The following KCNIP4 variants were observed in gnomAD, a reference collection of about 807,000 sequenced individuals.
KCNIP4 encodes Kv channel-interacting protein 4.
KCNIP4 carries 12 observed loss-of-function variants against 34.0 expected under a neutral mutation model. The observed-to-expected ratio is 0.35, with a 90% confidence interval of 0.23 to 0.57. The LOEUF (loss-of-function observed/expected upper bound fraction) is 0.57, where lower values mean the gene tolerates loss of function less well. KCNIP4 is among the 20% of genes least tolerant of loss of function. The pLI is 0.83. For missense variants in KCNIP4, 238 were observed against 311.7 expected (o/e 0.76, Z 1.78); for synonymous variants, 124 against 102.2 (o/e 1.21, Z -1.29).
At chr4:20,935,328 C>T (rs1333711157) in intron 1 of KCNIP4, among the ~76,000 whole-genome samples, 2 of 152,108 alleles carry the variant, frequency 1.3e-5, no homozygotes, top group Non-Finnish European at 2.9e-5. Context: ...CTCAACATGT[C>T]CAAAATTGAT....
intron 1 of KCNIP4, among the ~76,000 whole-genome samples, chr4:21,528,675 CA>C (rs1553898618): frequency 1.3e-4 from 11 of 84,178 alleles, no homozygotes; most frequent in African/African-American, 5.0e-4. Flanking sequence ...TCATAAAAAA[CA>C]AAGAAAGAAA....
At chr4:20,846,997 T>A (rs1030589567) in intron 3 of KCNIP4, among the ~76,000 whole-genome samples, 1 of 152,140 alleles carries the variant, frequency 6.6e-6, no homozygotes, top group Admixed American at 6.6e-5. Context: ...GATCTGTAGA[T>A]AATAGTTTGC....
intron 1 of KCNIP4, among the ~76,000 whole-genome samples, chr4:21,104,807 C>A (rs371615690): frequency 1.7e-4 from 26 of 151,616 alleles, no homozygotes; most frequent in South Asian, 1.7e-3. Context: ...TCAGCTTTCT[C>A]CATATGGCTA....
At chr4:20,986,310 T>A (rs558932433) in intron 1 of KCNIP4, among the ~76,000 whole-genome samples, 5 of 152,224 alleles carry the variant, frequency 3.3e-5, no homozygotes, top group Non-Finnish European at 5.9e-5. Flanking sequence ...AACATATTTA[T>A]AAGAGATATC....
rs147925460 is a variant in KCNIP4 at position 21,005,541 on chromosome 4, C to T, written c.62-122832G>A. 6.4e-4 allele frequency among the ~76,000 whole-genome samples: 97 copies of T among 151,370 alleles called. No homozygotes were observed. In the Middle Eastern group the frequency reaches 0.01, roughly 16 times the overall value. On this transcript the variant is annotated intron_variant, in intron 1 of 8. Coordinates refer to ENST00000382152, the MANE Select transcript of KCNIP4 (RefSeq NM_025221.6). ...ATTTATATTTCATATTTATTTATTA[C>T]GTGAACTTCCTTAAAACACAGTATC...
At chr4:21,894,808 GGATAA>G (rs1055610692) in intron 1 of KCNIP4, among the ~76,000 whole-genome samples, 4 of 152,078 alleles carry the variant, frequency 2.6e-5, no homozygotes, top group Non-Finnish European at 5.9e-5. Context: ...CACAAGGCAG[GGATAA>G]AATCCTTCTA....
chr4:21,781,791 A>T (rs1015632952), intron 1 of KCNIP4, among the ~76,000 whole-genome samples: 2 of 152,160 alleles, frequency 1.3e-5, no homozygotes, highest in Non-Finnish European at 2.9e-5. Context: ...AAAAATAATT[A>T]TATGGGGTAT....
intron 1 of KCNIP4, among the ~76,000 whole-genome samples, chr4:21,336,513 C>G (rs1716194704): frequency 6.6e-6 from 1 of 152,168 alleles, no homozygotes; most frequent in Non-Finnish European, 1.5e-5. Context: ...CCCCAAAACT[C>G]AGTACTGTTA....
intron 1 of KCNIP4, among the ~76,000 whole-genome samples, chr4:21,135,222 A>G (rs1751411088): frequency 6.6e-6 from 1 of 152,218 alleles, no homozygotes; most frequent in Non-Finnish European, 1.5e-5. Flanking sequence ...ATTCTCTTCA[A>G]TTAAGATGAG....
At chr4:21,863,011 A>C (rs961635708) in intron 1 of KCNIP4, among the ~76,000 whole-genome samples, 4 of 151,950 alleles carry the variant, frequency 2.6e-5, no homozygotes, top group African/African-American at 9.7e-5. Context: ...ATTCACCTTA[A>C]GTGATTTTTT....
chr4:21,156,228 C>T (rs1451765575), intron 1 of KCNIP4, among the ~76,000 whole-genome samples: 3 of 152,074 alleles, frequency 2.0e-5, no homozygotes, highest in Non-Finnish European at 2.9e-5. Flanking sequence ...TATTGTGAAA[C>T]GGTTGCTTGG....
intron 1 of KCNIP4, among the ~76,000 whole-genome samples, chr4:21,311,653 C>T (rs992503559): frequency 7.9e-5 from 12 of 152,034 alleles, no homozygotes; most frequent in African/African-American, 2.7e-4. Flanking sequence ...CATGCCACTG[C>T]ACTCCAGTCT....
chr4:21,439,203 G>A (rs886297590), intron 1 of KCNIP4, among the ~76,000 whole-genome samples: 10 of 151,400 alleles, frequency 6.6e-5, no homozygotes, highest in Non-Finnish European at 8.8e-5. Flanking sequence ...GCCAACAAGA[G>A]GGAGGTCCTT....
rs188212663 is a variant in KCNIP4, at chr4:21,234,135, G to A, written c.62-351426C>T. ...GTATATTATATATAACATATATAAC[G>A]TATATTATATATAACATATATAACG... On this transcript the variant is annotated intron_variant, in intron 1 of 8. Coordinates refer to ENST00000382152, the MANE Select transcript of KCNIP4 (RefSeq NM_025221.6). Among the ~76,000 whole-genome samples, 231 of 55,014 alleles carry A rather than the reference G, an allele frequency of 4.2e-3. 44 individuals carry two copies. The highest frequency in any genetic ancestry group is 0.022 in the African/African-American group (116 of 5,388). The allele number at this position is 55,014 out of a possible 152,430, so 36.1% of individuals were successfully genotyped here. A position where few individuals can be genotyped will look rare whatever the true frequency, so the allele number is the denominator to read the frequency against.
At chr4:21,291,534 T>C (rs2109206159) in intron 1 of KCNIP4, among the ~76,000 whole-genome samples, 1 of 151,922 alleles carries the variant, frequency 6.6e-6, no homozygotes, top group South Asian at 2.1e-4. Context: ...ACAAGAGAAG[T>C]ACAAATGCAC....
At chr4:20,801,235 C>G (rs1310474063) in intron 3 of KCNIP4, among the ~76,000 whole-genome samples, 1 of 150,334 alleles carries the variant, frequency 6.7e-6, no homozygotes, top group Admixed American at 6.6e-5. Context: ...CAAGCAAAAG[C>G]TAAATCCATC....
chr4:21,747,568 C>T (rs1716860013), intron 1 of KCNIP4, among the ~76,000 whole-genome samples: 1 of 152,048 alleles, frequency 6.6e-6, no homozygotes, highest in Admixed American at 6.6e-5. Flanking sequence ...TACCAAGATT[C>T]AAAGTACACT....
intron 2 of KCNIP4, among the ~76,000 whole-genome samples, chr4:20,853,000 C>T (rs182628594): frequency 2.0e-5 from 3 of 152,204 alleles, no homozygotes; most frequent in East Asian, 3.9e-4. Context: ...GAAACACATC[C>T]CATGCTGGGT....
At chr4:21,176,151 A>G (rs114128171) in intron 1 of KCNIP4, among the ~76,000 whole-genome samples, 3,411 of 152,294 alleles carry the variant, frequency 0.022, 143 homozygotes, top group African/African-American at 0.078. Context: ...TTTTTCTCAT[A>G]TGGACTTAAG....
Sources: gnomAD v4.1 joint callset for allele counts (sites outside exome capture counted in the v4.1 genomes callset) on GRCh38, gnomAD v4.1.1 for gene constraint, MANE v1.5 for transcripts, NCBI Gene and HGNC (gene_info 2026-07-23, HGNC 2026-07-21) for gene names.